MIR2052HG: variants seen among roughly 807,000 people sequenced by gnomAD.
MIR2052HG encodes MIR2052 host gene.
At chr8:74,742,564 TA>T (rs988441392) in intron 4 of MIR2052HG, among the ~76,000 whole-genome samples, 10 of 151,918 alleles carry the variant, frequency 6.6e-5, no homozygotes, top group African/African-American at 2.4e-4. Context: ...CCAACCACAT[TA>T]AAAAAAAGAG....
chr8:74,620,097 G>T (rs985310578), intron 2 of MIR2052HG, among the ~76,000 whole-genome samples: 2 of 152,234 alleles, frequency 1.3e-5, no homozygotes, highest in Non-Finnish European at 2.9e-5. Context: ...CAATAGAGCA[G>T]TCATTAAACC....
intron 4 of MIR2052HG, among the ~76,000 whole-genome samples, chr8:74,727,285 G>A (rs1809646465): frequency 6.6e-6 from 1 of 152,168 alleles, no homozygotes; most frequent in Non-Finnish European, 1.5e-5. Context: ...CATGTTTATA[G>A]TGACTGAGGA....
chr8:74,658,248 C>T (rs1050513844), intron 2 of MIR2052HG, among the ~76,000 whole-genome samples: 19 of 152,092 alleles, frequency 1.2e-4, no homozygotes, highest in African/African-American at 4.1e-4. Flanking sequence ...TTTTTTCATT[C>T]ACATATAGCA....
chr8:74,612,741 CAT>C lies in MIR2052HG; in HGVS notation n.129-109_129-108del, dbSNP rs1808217752. Reference sequence around the variant, plus strand: ...TAAAAGTCATTTTATGCTGTAAAAACATATTGCTTTTAATACATTTTAGTTAT... The same window carrying C: ...TAAAAGTCATTTTATGCTGTAAAAACATTGCTTTTAATACATTTTAGTTAT... On this transcript the variant is annotated intron_variant and non_coding_transcript_variant, in intron 1 of 6. Transcript: ENST00000523442. 8.2e-6 allele frequency: 3 copies of C among 364,632 alleles called. No individual in the cohort carries two copies. The Admixed American group carries it at 1.1e-4, about 13-fold the overall frequency. The allele number at this position is 364,632 out of a possible 1,614,324, so 22.6% of individuals were successfully genotyped here.
At chr8:74,751,457 T>C (rs1809946501) in intron 4 of MIR2052HG, among the ~76,000 whole-genome samples, 1 of 152,214 alleles carries the variant, frequency 6.6e-6, no homozygotes, top group Non-Finnish European at 1.5e-5. Flanking sequence ...CAACAGCATG[T>C]TAAATAAAGT....
chr8:74,668,338 A>G lies in MIR2052HG; in HGVS notation n.217-34041A>G, dbSNP rs551097172. Among the ~76,000 whole-genome samples the G allele has an allele frequency of 3.9e-5, 6 of 152,264 alleles. No individual in the cohort carries two copies. In the South Asian group the frequency reaches 1.0e-3, roughly 26 times the overall value. On this transcript the variant is annotated intron_variant and non_coding_transcript_variant, in intron 2 of 6. Coordinates refer to ENST00000523442, the Ensembl canonical transcript of MIR2052HG. ...ATTATATATGTACACACACACACACATTTTATACTGTCTGCTCAGGGAAGC... is the reference window on the plus strand; with the variant it reads ...ATTATATATGTACACACACACACACGTTTTATACTGTCTGCTCAGGGAAGC...
chr8:74,650,633 T>C (rs1808741904), intron 2 of MIR2052HG, among the ~76,000 whole-genome samples: 1 of 152,134 alleles, frequency 6.6e-6, no homozygotes, highest in Non-Finnish European at 1.5e-5. Flanking sequence ...GTCCTCCAAG[T>C]GGCTGGATGA....
rs1300169274 is a variant in MIR2052HG, at chr8:74,752,539, T to G, written n.464+6T>G. Reference sequence around the variant, plus strand: ...CCTGAAGAGTTCATCTGAAAGTAAGTAGGAAAGATATTTTCTCTCTGACTT... The same window carrying G: ...CCTGAAGAGTTCATCTGAAAGTAAGGAGGAAAGATATTTTCTCTCTGACTT... On this transcript the variant is annotated splice_donor_region_variant and intron_variant and non_coding_transcript_variant, in intron 5 of 6. Coordinates refer to ENST00000523442, the Ensembl canonical transcript of MIR2052HG. 9 of 454,810 alleles carry G rather than the reference T, an allele frequency of 2.0e-5. No individual in the cohort carries two copies. The Admixed American group carries it at 2.1e-4, about 11-fold the overall frequency. 28.2% of individuals were successfully genotyped at this position (454,810 alleles called of 1,614,324 possible). A position where few individuals can be genotyped will look rare whatever the true frequency, so the allele number is the denominator to read the frequency against.
intron 2 of MIR2052HG, among the ~76,000 whole-genome samples, chr8:74,645,048 A>G (rs1182678151): frequency 6.6e-6 from 1 of 152,202 alleles, no homozygotes; most frequent in Non-Finnish European, 1.5e-5. Flanking sequence ...GTTATTTATG[A>G]GAAGTTTTTT....
chr8:74,699,498 A>G (rs940463333), intron 2 of MIR2052HG, among the ~76,000 whole-genome samples: 2 of 151,886 alleles, frequency 1.3e-5, no homozygotes, highest in African/African-American at 2.4e-5. Context: ...AGCAACCTGG[A>G]TGGAATTGGA....
At chr8:74,738,644 T>TA (rs1586928261) in intron 4 of MIR2052HG, among the ~76,000 whole-genome samples, 1 of 152,192 alleles carries the variant, frequency 6.6e-6, no homozygotes, top group Admixed American at 6.6e-5. Context: ...TGGGCTTTGT[T>TA]AAAAAATCAC....
At chr8:74,745,025 G>A (rs1809869649) in intron 4 of MIR2052HG, among the ~76,000 whole-genome samples, 1 of 152,116 alleles carries the variant, frequency 6.6e-6, no homozygotes, top group Admixed American at 6.6e-5. Context: ...AGCACTGTGA[G>A]AGTCTGAGAA....
chr8:74,611,275 A>C (rs1221349382), intron 1 of MIR2052HG, among the ~76,000 whole-genome samples: 1 of 152,162 alleles, frequency 6.6e-6, no homozygotes, highest in African/African-American at 2.4e-5. Context: ...ATACCATTGC[A>C]CACCTATTAC....
At chr8:74,740,544 C>T (rs1203818563) in intron 4 of MIR2052HG, among the ~76,000 whole-genome samples, 1 of 152,102 alleles carries the variant, frequency 6.6e-6, no homozygotes, top group Non-Finnish European at 1.5e-5. Context: ...TATATGGATC[C>T]TGCCCTTGAG....
At chr8:74,633,558 C>T (rs79527808) in intron 2 of MIR2052HG, among the ~76,000 whole-genome samples, 6,313 of 152,274 alleles carry the variant, frequency 0.041, 227 homozygotes, top group Non-Finnish European at 0.053. Context: ...TGCTAAATGA[C>T]GGCAGAGATT....
intron 4 of MIR2052HG, among the ~76,000 whole-genome samples, chr8:74,744,487 C>G (rs1383400429): frequency 2.6e-5 from 4 of 151,998 alleles, no homozygotes; most frequent in Non-Finnish European, 5.9e-5. Context: ...CCCCCTACCC[C>G]ACAACAGTCC....
chr8:74,752,708 C>G (rs1384081878), intron 5 of MIR2052HG, among the ~76,000 whole-genome samples: 1 of 152,074 alleles, frequency 6.6e-6, no homozygotes, highest in Non-Finnish European at 1.5e-5. Flanking sequence ...AGTAAATAAG[C>G]CTGGTAGTAA....
At chr8:74,601,584 A>G (rs1349233199) in intron 1 of MIR2052HG, among the ~76,000 whole-genome samples, 2 of 152,362 alleles carry the variant, frequency 1.3e-5, no homozygotes, top group South Asian at 4.1e-4. Flanking sequence ...ATATTGAATT[A>G]TATTGATTAA....
At chr8:74,738,816 C>A (rs1367809576) in intron 4 of MIR2052HG, among the ~76,000 whole-genome samples, 3 of 152,142 alleles carry the variant, frequency 2.0e-5, no homozygotes, top group African/African-American at 7.2e-5. Flanking sequence ...CATTAAATTT[C>A]TGGAAGAAAG....
Sources: allele counts gnomAD v4.1 joint callset (sites outside exome capture counted in the v4.1 genomes callset), GRCh38; gene constraint gnomAD v4.1.1; transcripts MANE v1.5; gene names NCBI Gene and HGNC (gene_info 2026-07-23, HGNC 2026-07-21).